Variants in VRK1 observed in about 807,000 individuals in gnomAD.
The protein encoded by VRK1 is VRK serine/threonine kinase 1, also known as serine/threonine-protein kinase VRK1.
VRK1 carries 33 observed loss-of-function variants against 57.1 expected under a neutral mutation model. The observed-to-expected ratio is 0.58, with a 90% CI of 0.44 to 0.77. The LOEUF is 0.77. Ranked by LOEUF, VRK1 falls within the 30% of genes least tolerant of loss-of-function variation. VRK1 has a pLI of 0.00. For synonymous variants in VRK1, 137 were observed against 147.8 expected (o/e 0.93, Z 0.53); for missense variants, 413 against 477.3 (o/e 0.87, Z 1.25).
At chr14:96,832,884 C>A (rs561215586) in intron 1 of VRK1, among the ~76,000 whole-genome samples, 1 of 152,258 alleles carries the variant, frequency 6.6e-6, no homozygotes, top group African/African-American at 2.4e-5. Context: ...GTGCAATTTT[C>A]TGTTGTTCCA....
At chr14:96,836,649 A>T (rs1017178539) in intron 2 of VRK1, among the ~76,000 whole-genome samples, 2 of 151,136 alleles carry the variant, frequency 1.3e-5, no homozygotes, top group South Asian at 4.2e-4. Flanking sequence ...CAGCCTCCCG[A>T]AGTAGCTGGG....
intron 11 of VRK1, among the ~76,000 whole-genome samples, chr14:96,867,371 T>A (rs2139828661): frequency 6.6e-6 from 1 of 152,314 alleles, no homozygotes; most frequent in African/African-American, 2.4e-5. Context: ...TTTTTGTTTT[T>A]TACTAGATTT....
intron 9 of VRK1, 135 bp from the exon 10 acceptor site, chr14:96,856,393 C>G (rs1888155036): frequency 7.3e-7 from 1 of 1,371,038 alleles, no homozygotes; most frequent in Admixed American, 2.1e-5. Context: ...GTTCCTTGGT[C>G]TTTTGTTTAT....
intron 1 of VRK1, among the ~76,000 whole-genome samples, chr14:96,828,602 A>G (rs954816832): frequency 6.6e-6 from 1 of 152,140 alleles, no homozygotes; most frequent in Non-Finnish European, 1.5e-5. Context: ...TCGTCTAAAT[A>G]TCAGTCTTGT....
At chr14:96,817,134 A>G (rs528223366) in intron 1 of VRK1, among the ~76,000 whole-genome samples, 58 of 152,294 alleles carry the variant, frequency 3.8e-4, no homozygotes, top group Middle Eastern at 3.4e-3. Flanking sequence ...TTAGGTGGAC[A>G]CTCATTATAT....
At chr14:96,834,426 A>G (rs1418787064) in intron 2 of VRK1, among the ~76,000 whole-genome samples, 1 of 152,190 alleles carries the variant, frequency 6.6e-6, no homozygotes, top group African/African-American at 2.4e-5. Context: ...TTAGACCTGC[A>G]GATTTTTGAG....
At chr14:96,809,033 G>T (rs757109729) in intron 1 of VRK1, among the ~76,000 whole-genome samples, 1 of 151,074 alleles carries the variant, frequency 6.6e-6, no homozygotes, top group Non-Finnish European at 1.5e-5. Context: ...CTACATGTGG[G>T]GTCAGGAGGT....
intron 1 of VRK1, among the ~76,000 whole-genome samples, chr14:96,818,016 A>T (rs1886458880): frequency 6.7e-6 from 1 of 149,608 alleles, no homozygotes; most frequent in African/African-American, 2.6e-5. Flanking sequence ...ATGTTACTGT[A>T]GTGTCTTCAT....
intron 1 of VRK1, among the ~76,000 whole-genome samples, 188 bp from the exon 2 acceptor site, chr14:96,833,279 T>C (rs578087136): frequency 1.4e-4 from 21 of 152,206 alleles, no homozygotes; most frequent in Middle Eastern, 3.2e-3. Context: ...TTATTGTTTC[T>C]TCTCCAAAGT....
chr14:96,863,580 A>G (rs1187427562), intron 11 of VRK1, among the ~76,000 whole-genome samples: 4 of 152,192 alleles, frequency 2.6e-5, no homozygotes, highest in Admixed American at 2.0e-4. Flanking sequence ...ATCCCTGGAA[A>G]GTCGTTGAGT....
At position 96,879,650 on chromosome 14, in the gene VRK1, C is replaced by T. The variant is rs566893536; in HGVS notation, c.1160-1527C>T. ...TAATTTCAAATTTCTTGAAATAGGC[C>T]GGGCGCAGTGGCTCATGCTTGTAAT... is the stretch of plus-strand genomic sequence containing the variant. On this transcript the variant is annotated intron_variant, in intron 12 of 12. Transcript: ENST00000216639. 3.9e-5 allele frequency among the ~76,000 whole-genome samples: 6 copies of T among 152,044 alleles called. No homozygotes were observed. The East Asian group carries it at 7.7e-4, about 20-fold the overall frequency.
intron 1 of VRK1, among the ~76,000 whole-genome samples, chr14:96,826,127 T>C (rs1886791614): frequency 6.6e-6 from 1 of 152,200 alleles, no homozygotes; most frequent in Non-Finnish European, 1.5e-5. Flanking sequence ...GTGATAAATA[T>C]AGCTATTGAA....
At chr14:96,807,933 C>G (rs8018104) in intron 1 of VRK1, among the ~76,000 whole-genome samples, 1 of 152,078 alleles carries the variant, frequency 6.6e-6, no homozygotes, top group South Asian at 2.1e-4. Flanking sequence ...CTCTGTCTCT[C>G]TCTTTCTCTG....
intron 11 of VRK1, among the ~76,000 whole-genome samples, chr14:96,874,329 T>TC (rs1888942377): frequency 6.6e-6 from 1 of 152,158 alleles, no homozygotes; most frequent in African/African-American, 2.4e-5. Flanking sequence ...CCTAATGCAC[T>TC]CCATCAGTGC....
intron 1 of VRK1, among the ~76,000 whole-genome samples, chr14:96,822,694 T>G (rs561586431): frequency 6.6e-6 from 1 of 152,320 alleles, no homozygotes; most frequent in East Asian, 1.9e-4. Flanking sequence ...AGCAGGAGAA[T>G]TTTTCTTGAC....
intron 1 of VRK1, among the ~76,000 whole-genome samples, chr14:96,803,810 T>A (rs1885763905): frequency 6.6e-6 from 1 of 152,222 alleles, no homozygotes; most frequent in East Asian, 1.9e-4. Flanking sequence ...TTCATGTGCT[T>A]ATTTGCCATT....
chr14:96,800,710 G>A (rs759285956), intron 1 of VRK1, among the ~76,000 whole-genome samples: 11 of 151,998 alleles, frequency 7.2e-5, no homozygotes, highest in Non-Finnish European at 1.5e-4. Flanking sequence ...TTGCCCATAG[G>A]ATGGGAACCA....
At chr14:96,829,429 T>C (rs1420269720) in intron 1 of VRK1, among the ~76,000 whole-genome samples, 1 of 152,156 alleles carries the variant, frequency 6.6e-6, no homozygotes, top group African/African-American at 2.4e-5. Flanking sequence ...TCTAAGCTTT[T>C]TAGTGAATGG....
At chr14:96,818,693 G>A (rs1886484766) in intron 1 of VRK1, among the ~76,000 whole-genome samples, 1 of 152,008 alleles carries the variant, frequency 6.6e-6, no homozygotes, top group Admixed American at 6.6e-5. Flanking sequence ...TCATTGATAT[G>A]CATAATTCTC....
Sources: gnomAD v4.1 joint callset for allele counts (sites outside exome capture counted in the v4.1 genomes callset) on GRCh38, gnomAD v4.1.1 for gene constraint, MANE v1.5 for transcripts, NCBI Gene and HGNC (gene_info 2026-07-23, HGNC 2026-07-21) for gene names.